The following UTRN variants were observed in gnomAD, a reference collection of about 807,000 sequenced individuals.
The protein encoded by UTRN is utrophin.
UTRN carries 283 observed loss-of-function variants against 463.9 expected under a neutral mutation model. The ratio of observed to expected loss-of-function variants is 0.61; its 90% CI spans 0.55 to 0.67. The LOEUF is 0.67. Ranked by LOEUF, UTRN falls within the 30% of genes least tolerant of loss-of-function variation. The probability of loss-of-function intolerance (pLI) is 0.00; values close to 1 mark genes in which losing one functional copy is unlikely to be tolerated. For missense variants in UTRN, 3,922 were observed against 4,084.3 expected, an observed-to-expected ratio of 0.96 and a Z score of 1.08; for synonymous variants, 1,442 against 1,431.5, an observed-to-expected ratio of 1.01 and a Z score of -0.17.
chr6:144,359,177 T>C (rs55841606), intron 2 of UTRN, among the ~76,000 whole-genome samples: 4,412 of 152,318 alleles, frequency 0.029, 195 homozygotes, highest in African/African-American at 0.098. Context: ...AAGGCAGGTT[T>C]GTCCACCGTG....
intron 2 of UTRN, among the ~76,000 whole-genome samples, chr6:144,395,283 G>A (rs1782298302): frequency 6.6e-6 from 1 of 151,890 alleles, no homozygotes; most frequent in Non-Finnish European, 1.5e-5. Context: ...CTTCACTCCA[G>A]GACAAAAATT....
chr6:144,771,629 T>C (rs939825616), intron 58 of UTRN, among the ~76,000 whole-genome samples: 12 of 152,104 alleles, frequency 7.9e-5, no homozygotes, highest in African/African-American at 2.7e-4. Context: ...TTTCATCATA[T>C]TGGCCAGGCT....
intron 58 of UTRN, among the ~76,000 whole-genome samples, chr6:144,761,297 G>A (rs1440556150): frequency 6.6e-6 from 1 of 152,090 alleles, no homozygotes; most frequent in Non-Finnish European, 1.5e-5. Flanking sequence ...TTCTGAAACT[G>A]ATCTAGTTAT....
intron 60 of UTRN, among the ~76,000 whole-genome samples, chr6:144,775,939 G>A (rs994543752): frequency 1.3e-5 from 2 of 152,158 alleles, no homozygotes; most frequent in Admixed American, 1.3e-4. Flanking sequence ...TAAACTAAAC[G>A]AGATTGGTAA....
chr6:144,458,017 C>T (rs1038559105), intron 19 of UTRN, among the ~76,000 whole-genome samples: 4 of 152,084 alleles, frequency 2.6e-5, no homozygotes, highest in African/African-American at 9.7e-5. Context: ...ATGATAAAAC[C>T]TATTATTATA....
At position 144,590,884 on chromosome 6, in the gene UTRN, A is replaced by ACATG. The variant is rs1347857185; in HGVS notation, c.7479+13598_7479+13599insTGCA. 4.8e-4 allele frequency among the ~76,000 whole-genome samples: 22 copies of ACATG among 45,380 alleles called. No homozygotes were observed. The African/African-American group carries it at 5.6e-3, about 12-fold the overall frequency. 29.8% of individuals were successfully genotyped at this position (45,380 alleles called of 152,430 possible). A position where few individuals can be genotyped will look rare whatever the true frequency, so the allele number is the denominator to read the frequency against. On this transcript the variant is annotated intron_variant, in intron 51 of 74. Coordinates refer to ENST00000367545, the MANE Select transcript of UTRN (RefSeq NM_007124.3). ...CACACACACACACACACGCACATGC[A>ACATG]CACACACACACACACATAAGGTTGT...
chr6:144,731,974 A>G (rs1005033033), intron 54 of UTRN, among the ~76,000 whole-genome samples: 1 of 151,000 alleles, frequency 6.6e-6, no homozygotes, highest in African/African-American at 2.4e-5. Flanking sequence ...CAATTCTCAT[A>G]CCTCAGCTTC....
At chr6:144,830,360 T>A (rs145711925) in intron 69 of UTRN, among the ~76,000 whole-genome samples, 1 of 152,174 alleles carries the variant, frequency 6.6e-6, no homozygotes, top group South Asian at 2.1e-4. Context: ...TATTAATATA[T>A]ACCTACCATG....
At chr6:144,615,156 G>T (rs1650386048) in intron 51 of UTRN, among the ~76,000 whole-genome samples, 2 of 152,084 alleles carry the variant, frequency 1.3e-5, no homozygotes, top group South Asian at 4.1e-4. Context: ...TACATTGAAA[G>T]AATGTCCACA....
chr6:144,387,534 G>A (rs1351453176), intron 2 of UTRN, among the ~76,000 whole-genome samples: 3 of 152,150 alleles, frequency 2.0e-5, no homozygotes, highest in Non-Finnish European at 2.9e-5. Flanking sequence ...CTTCCACGGT[G>A]TTTCTGTAGT....
chr6:144,809,624 A>T (rs939793161), intron 65 of UTRN, among the ~76,000 whole-genome samples: 1 of 152,104 alleles, frequency 6.6e-6, no homozygotes, highest in African/African-American at 2.4e-5. Flanking sequence ...AGTTATGATG[A>T]GGCCTGGGGT....
At chr6:144,774,555 C>T (rs994534380) in intron 60 of UTRN, among the ~76,000 whole-genome samples, 191 bp downstream of exon 60, 2 of 152,120 alleles carry the variant, frequency 1.3e-5, no homozygotes, top group African/African-American at 4.8e-5. Context: ...GTACTGAACA[C>T]ATGCCATTCT....
At chr6:144,439,641 T>G (rs1168666730) in intron 12 of UTRN, among the ~76,000 whole-genome samples, 1 of 152,102 alleles carries the variant, frequency 6.6e-6, no homozygotes, top group African/African-American at 2.4e-5. Context: ...TACAGGCGTG[T>G]GCCACCACAC....
intron 51 of UTRN, among the ~76,000 whole-genome samples, chr6:144,586,996 A>T (rs1201996798): frequency 6.6e-6 from 1 of 152,184 alleles, no homozygotes; most frequent in Non-Finnish European, 1.5e-5. Context: ...CTGTATATAG[A>T]TGTGTATTCA....
chr6:144,318,088 A>G (rs1057122493), intron 2 of UTRN, among the ~76,000 whole-genome samples: 1 of 152,102 alleles, frequency 6.6e-6, no homozygotes, highest in African/African-American at 2.4e-5. Context: ...CCTGTGATAT[A>G]TACTGAAAAT....
chr6:144,841,635 G>A (rs1200800552), intron 73 of UTRN, among the ~76,000 whole-genome samples: 1 of 151,838 alleles, frequency 6.6e-6, no homozygotes, highest in Non-Finnish European at 1.5e-5. Context: ...ATATATAAAT[G>A]CATATAAATT....
chr6:144,774,268 A>C (rs549715793), intron 59 of UTRN, 22 bp from the exon 60 acceptor site: 3 of 1,590,126 alleles, frequency 1.9e-6, no homozygotes, highest in Admixed American at 1.8e-5. Flanking sequence ...CTATCTTCAA[A>C]TTGTTTCTTT....
intron 50 of UTRN, among the ~76,000 whole-genome samples, chr6:144,572,550 C>T (rs1000573847): frequency 1.3e-5 from 2 of 152,022 alleles, no homozygotes; most frequent in African/African-American, 2.4e-5. Context: ...CTTCCCTTGC[C>T]CCCCACCCCC....
intron 65 of UTRN, among the ~76,000 whole-genome samples, chr6:144,804,420 G>A (rs1586643397): frequency 6.6e-6 from 1 of 152,138 alleles, no homozygotes. Context: ...CATTTTGCAG[G>A]TGTCAGGCCC....
Sources: gnomAD v4.1 joint callset for allele counts (sites outside exome capture counted in the v4.1 genomes callset) on GRCh38, gnomAD v4.1.1 for gene constraint, MANE v1.5 for transcripts, NCBI Gene and HGNC (gene_info 2026-07-23, HGNC 2026-07-21) for gene names.